The following GNAI1 variants were observed in gnomAD, a reference collection of about 807,000 sequenced individuals.
GNAI1 encodes the protein guanine nucleotide-binding protein G(i) subunit alpha-1.
GNAI1 carries 11 observed loss-of-function variants against 38.9 expected under a neutral mutation model. The observed-to-expected ratio is 0.28, with a 90% CI of 0.18 to 0.47. The LOEUF is 0.47. Ranked by LOEUF, GNAI1 falls within the 20% of genes least tolerant of loss-of-function variation. GNAI1 has a pLI of 0.99. For missense variants in GNAI1, 317 were observed against 436.9 expected, an observed-to-expected ratio of 0.73 and a Z score of 2.45; for synonymous variants, 166 against 145.1, an observed-to-expected ratio of 1.14 and a Z score of -1.04.
At chr7:80,201,944 T>C (rs996293398) in intron 4 of GNAI1, among the ~76,000 whole-genome samples, 12 of 152,188 alleles carry the variant, frequency 7.9e-5, no homozygotes, top group African/African-American at 2.7e-4. Context: ...CCATTAGGAC[T>C]GACTAGCCAC....
intron 5 of GNAI1, among the ~76,000 whole-genome samples, chr7:80,209,162 A>G (rs1562843981): frequency 6.6e-6 from 1 of 152,178 alleles, no homozygotes; most frequent in Non-Finnish European, 1.5e-5. Context: ...CATATTACCC[A>G]ATTCCAAAGT....
rs751140540 is a variant in GNAI1 at position 80,220,793 on chromosome 7, T to G, written c.*3300T>G. Among the ~76,000 whole-genome samples, 3 of 152,174 alleles carry G rather than the reference T, an allele frequency of 2.0e-5. No individual in the cohort carries two copies. The highest frequency in any genetic ancestry group is 4.4e-5 in the Non-Finnish European group (3 of 68,020). Reference sequence around the variant, plus strand: ...AGATGAAGGTTTTAAACCTAGAGCTTCTGACTCCATGTCTGTCAGAGGACC... The same window carrying G: ...AGATGAAGGTTTTAAACCTAGAGCTGCTGACTCCATGTCTGTCAGAGGACC... On this transcript the variant is annotated 3_prime_UTR_variant, in exon 8 of 8. Transcript: ENST00000649796.
intron 1 of GNAI1, among the ~76,000 whole-genome samples, chr7:80,141,198 G>T (rs1017772222): frequency 6.6e-6 from 1 of 152,114 alleles, no homozygotes; most frequent in African/African-American, 2.4e-5. Context: ...TCCACAGTCC[G>T]CCCTCTGGCT....
chr7:80,147,137 G>T (rs551942845), intron 1 of GNAI1, among the ~76,000 whole-genome samples: 24 of 152,192 alleles, frequency 1.6e-4, no homozygotes, highest in Middle Eastern at 3.4e-3. Context: ...GGCTGAAAGA[G>T]CCCCAATAAT....
chr7:80,136,804 A>T (rs1787424227), intron 1 of GNAI1, among the ~76,000 whole-genome samples: 1 of 152,182 alleles, frequency 6.6e-6, no homozygotes, highest in Non-Finnish European at 1.5e-5. Context: ...GCCATCCACC[A>T]TGTTTAAAGC....
At chr7:80,207,386 G>C (rs2115695608) in intron 5 of GNAI1, among the ~76,000 whole-genome samples, 1 of 151,984 alleles carries the variant, frequency 6.6e-6, no homozygotes, top group East Asian at 1.9e-4. Context: ...GCAAATACTG[G>C]GATTCAGTAA....
chr7:80,217,315 A>G lies in GNAI1; in HGVS notation c.887A>G (p.Tyr296Cys), dbSNP rs1227100605. The change falls in exon 8 of 8, where the codon TAT becomes TGT. Residue 296 changes from tyrosine (Y) to cysteine (C), a missense_variant. Tyr to Cys is a radical substitution (Grantham distance 194). Transcript: ENST00000649796. ...TTTTCCATCTCAGGATCAAACACAT[A>G]TGAAGAGGCAGCTGCATATATTCAA... ...CYPEYAGSNT[Y>C]EEAAAYIQCQ... The G allele has an allele frequency of 6.3e-7, 1 of 1,577,742 alleles. No homozygotes were observed. The highest frequency in any genetic ancestry group is 1.4e-5 in the African/African-American group (1 of 73,024).
intron 7 of GNAI1, 68 bp from the exon 8 acceptor site, chr7:80,217,235 T>TGACTTCAGTTTCATATGTATGAAACG: frequency 1.9e-6 from 2 of 1,041,126 alleles, no homozygotes; most frequent in Non-Finnish European, 2.8e-6. Context: ...TGTATGAAAC[T>TGACTTCAGTTTCATATGTATGAAACG]GAATTCAGTA....
At chr7:80,148,308 G>A (rs373198257) in intron 1 of GNAI1, among the ~76,000 whole-genome samples, 18 of 152,216 alleles carry the variant, frequency 1.2e-4, no homozygotes, top group African/African-American at 4.3e-4. Context: ...GTCCATTGTA[G>A]AATTAGCAGT....
At chr7:80,165,879 A>C (rs1404019998) in intron 1 of GNAI1, among the ~76,000 whole-genome samples, 1 of 152,144 alleles carries the variant, frequency 6.6e-6, no homozygotes, top group Admixed American at 6.5e-5. Context: ...TTTGGACAAT[A>C]TTATCTCGTT....
chr7:80,161,590 G>A lies in GNAI1; in HGVS notation c.118+26312G>A, dbSNP rs558236374. Among the ~76,000 whole-genome samples the A allele has an allele frequency of 2.6e-5, 4 of 152,200 alleles. No homozygotes were observed. In the South Asian group the frequency reaches 6.2e-4, roughly 24 times the overall value. ...TTTCTTTAAATGTCATATATTTTTA[G>A]CAGTGCATTATGCATTATGGCTGTG... On this transcript the variant is annotated intron_variant, in intron 1 of 7. Coordinates refer to ENST00000649796, the MANE Select transcript of GNAI1 (RefSeq NM_002069.6).
rs979860927 is a variant in GNAI1, at chr7:80,224,834, C to G, written c.*7341C>G. Among the ~76,000 whole-genome samples the G allele has an allele frequency of 3.9e-5, 6 of 152,010 alleles. No homozygotes were observed. The highest frequency in any genetic ancestry group is 1.4e-4 in the African/African-American group (6 of 41,386). ...CAGAATTTAAAAATTACATGTTGAACTGATTTGTGATATATTGGGTTATAT... is the reference window on the plus strand; with the variant it reads ...CAGAATTTAAAAATTACATGTTGAAGTGATTTGTGATATATTGGGTTATAT... On this transcript the variant is annotated 3_prime_UTR_variant, in exon 8 of 8. Transcript: ENST00000649796.
At position 80,221,929 on chromosome 7, in the gene GNAI1, T is replaced by C. The variant is rs571060474; in HGVS notation, c.*4436T>C. On this transcript the variant is annotated 3_prime_UTR_variant, in exon 8 of 8. Transcript: ENST00000649796. ...TGCTGGGATTACAGACGTGAGCCACTGCGCCCAGCCAGTTTTCTTTTTTAG... is the reference window on the plus strand; with the variant it reads ...TGCTGGGATTACAGACGTGAGCCACCGCGCCCAGCCAGTTTTCTTTTTTAG... 3.0e-3 allele frequency among the ~76,000 whole-genome samples: 451 copies of C among 152,156 alleles called. 3 individuals are homozygous for C. The highest frequency in any genetic ancestry group is 2.1e-3 in the Non-Finnish European group (141 of 67,966).
chr7:80,220,422 G>C lies in GNAI1; in HGVS notation c.*2929G>C, dbSNP rs1025237462. On this transcript the variant is annotated 3_prime_UTR_variant, in exon 8 of 8. Transcript: ENST00000649796. The stretch of plus-strand genomic sequence containing the variant: ...ACTCCTCTGGCATCTGTTCTTCAGG[G>C]TGCCCTTCTGGGAACTACATGATTC... Among the ~76,000 whole-genome samples, 2 of 151,926 alleles carry C rather than the reference G, an allele frequency of 1.3e-5. No homozygotes were observed. Among genetic ancestry groups the C allele is most frequent in the East Asian group, 3.9e-4 (2 of 5,192 alleles).
intron 1 of GNAI1, among the ~76,000 whole-genome samples, chr7:80,175,247 T>C (rs1340801764): frequency 6.6e-6 from 1 of 152,194 alleles, no homozygotes; most frequent in Non-Finnish European, 1.5e-5. Flanking sequence ...AATAAAAATA[T>C]TTAAAAACTT....
intron 1 of GNAI1, among the ~76,000 whole-genome samples, chr7:80,178,836 T>C (rs998841559): frequency 1.1e-4 from 16 of 152,130 alleles, no homozygotes; most frequent in African/African-American, 3.9e-4. Context: ...TTCATAGAAA[T>C]CGTTTCAGAT....
At chr7:80,141,939 C>T (rs375447727) in intron 1 of GNAI1, among the ~76,000 whole-genome samples, 26 of 152,272 alleles carry the variant, frequency 1.7e-4, no homozygotes, top group African/African-American at 5.8e-4. Flanking sequence ...TTTCACCTTT[C>T]TTCCCATCCA....
At chr7:80,150,796 C>T (rs1003368199) in intron 1 of GNAI1, among the ~76,000 whole-genome samples, 6 of 152,114 alleles carry the variant, frequency 3.9e-5, no homozygotes, top group Admixed American at 2.6e-4. Flanking sequence ...ATTTCACATC[C>T]GGTTATTTCC....
At chr7:80,178,228 T>G (rs1006086665) in intron 1 of GNAI1, among the ~76,000 whole-genome samples, 5 of 152,198 alleles carry the variant, frequency 3.3e-5, no homozygotes, top group Admixed American at 3.3e-4. Flanking sequence ...AGAAAATGGT[T>G]TCTTGAGATG....
Sources: gnomAD v4.1 joint callset for allele counts (sites outside exome capture counted in the v4.1 genomes callset) on GRCh38, gnomAD v4.1.1 for gene constraint, MANE v1.5 for transcripts, NCBI Gene and HGNC (gene_info 2026-07-23, HGNC 2026-07-21) for gene names.